The following MPP2 variants were observed in gnomAD, a reference collection of about 807,000 sequenced individuals.
MPP2 encodes MAGUK p55 scaffold protein 2, also known as MAGUK p55 subfamily member 2.
A neutral mutation model predicts 58.5 loss-of-function variants in MPP2; 42 were observed. The observed-to-expected ratio is 0.72, with a 90% confidence interval of 0.56 to 0.93. The LOEUF (loss-of-function observed/expected upper bound fraction) is 0.93. MPP2 is among the 40% of genes least tolerant of loss of function. The pLI is 0.00. For synonymous variants in MPP2, 300 were observed against 307.8 expected (o/e 0.97, Z 0.26); for missense variants, 632 against 760.4 (o/e 0.83, Z 1.99).
intron 2 of MPP2, among the ~76,000 whole-genome samples, chr17:43,899,854 G>A (rs1439294489): frequency 3.9e-5 from 6 of 152,096 alleles, no homozygotes; most frequent in Admixed American, 2.6e-4. Flanking sequence ...GGCAAGTTCC[G>A]GGGAAAGGAA....
At position 43,879,484 on chromosome 17, in the gene MPP2, G is replaced by T. The variant is rs1251172536; in HGVS notation, c.1354-81C>A. The T allele has an allele frequency of 2.5e-6, 4 of 1,571,064 alleles. No homozygotes were observed. The highest frequency in any genetic ancestry group is 1.7e-5 in the Admixed American group (1 of 58,746). The stretch of plus-strand genomic sequence containing the variant: ...AGAGAAAGGCTGTGAGGGTAACTGG[G>T]GTTGGGGTGAGCACTTGGGAGTGGA... On this transcript the variant is annotated intron_variant, in intron 11 of 12. Transcript: ENST00000269095. This position sits in a 1 kb window ranked among gnomAD's most constrained non-coding sequence, Gnocchi z 4.1.
upstream of MPP2, chr17:43,907,799 GGATC>G: frequency 1.0e-6 from 1 of 985,460 alleles, no homozygotes; most frequent in South Asian, 4.7e-5. Flanking sequence ...CGGCTCCCAA[GGATC>G]CCTTAAAGGG....
Position 43,877,799 on chromosome 17 carries a change from G to T in MPP2, c.*8C>A. ...ACACAGAGTGAGCCAAAGACCAGGT[G>T]AACAGGCTCAGTACACCCAGCTGAC... On this transcript the variant is annotated 3_prime_UTR_variant, in exon 13 of 13. Transcript: ENST00000269095. 6.2e-7 allele frequency: 1 copy of T among 1,610,872 alleles called. No homozygotes were observed. The highest frequency in any genetic ancestry group is 1.1e-5 in the South Asian group (1 of 90,956).
intron 5 of MPP2, 109 bp downstream of exon 5, chr17:43,882,794 G>C: frequency 8.7e-6 from 13 of 1,494,958 alleles, no homozygotes; most frequent in Non-Finnish European, 1.1e-5. Flanking sequence ...GCACAAAGCT[G>C]GCCCCATCTT....
chr17:43,883,142 A>AC (rs1383162457), intron 4 of MPP2, 61 bp downstream of exon 4: 2 of 1,557,468 alleles, frequency 1.3e-6, no homozygotes, highest in Non-Finnish European at 1.7e-6. Context: ...CCCATCCAAC[A>AC]GCAGCATGCC....
intron 12 of MPP2, among the ~76,000 whole-genome samples, chr17:43,878,733 A>G (rs572604866): frequency 1.3e-5 from 2 of 152,304 alleles, no homozygotes; most frequent in South Asian, 2.1e-4. Flanking sequence ...CCCTGCGCTC[A>G]GAGCGCCGCA....
chr17:43,882,534 G>T, intron 5 of MPP2, 23 bp from the exon 6 acceptor site: 1 of 1,596,806 alleles, frequency 6.3e-7, no homozygotes. Context: ...GGGAGTGTAA[G>T]ATGAGGCCCC....
chr17:43,891,268 G>C (rs1424928942), intron 3 of MPP2, among the ~76,000 whole-genome samples: 1 of 152,152 alleles, frequency 6.6e-6, no homozygotes, highest in Admixed American at 6.5e-5. Flanking sequence ...TGTAATTCCT[G>C]CACTTTGGGA....
rs1040745582 is a variant in MPP2 at position 43,880,492 on chromosome 17, G to A, written c.1150+199C>T. 6.6e-6 allele frequency among the ~76,000 whole-genome samples: 1 copy of A among 152,210 alleles called. No individual in the cohort carries two copies. The highest frequency in any genetic ancestry group is 2.4e-5 in the African/African-American group (1 of 41,450). On this transcript the variant is annotated intron_variant, in intron 10 of 12. Transcript: ENST00000269095. This position sits in a 1 kb window ranked among gnomAD's most constrained non-coding sequence, Gnocchi z 5.2. The stretch of plus-strand genomic sequence containing the variant: ...GCCAGCCCAGCCCGCTAGGCCACCT[G>A]TTGGCTGGACACCTCCCTCACCCTT...
chr17:43,896,270 T>C (rs1316527478), intron 3 of MPP2, among the ~76,000 whole-genome samples: 5 of 152,060 alleles, frequency 3.3e-5, no homozygotes, highest in African/African-American at 9.7e-5. Flanking sequence ...TACATGCCAA[T>C]AGGTGTGTGG....
chr17:43,902,388 GGGCAGTCCC>G (rs1207827926), intron 2 of MPP2, among the ~76,000 whole-genome samples: 1 of 152,132 alleles, frequency 6.6e-6, no homozygotes, highest in African/African-American at 2.4e-5. Flanking sequence ...TGGGTTTACT[GGGCAGTCCC>G]GGCTGGAGAG....
At position 43,880,972 on chromosome 17, in the gene MPP2, C is replaced by A; in HGVS notation, c.988+118G>T. On this transcript the variant is annotated intron_variant, in intron 9 of 12. Coordinates refer to ENST00000269095, the MANE Select transcript of MPP2 (RefSeq NM_005374.5). This position sits in a 1 kb window ranked among gnomAD's most constrained non-coding sequence, Gnocchi z 5.2. Reference sequence around the variant, plus strand: ...GGAGCAGGGGGGAGTCGGGCAGGGCCTAGGGACACGGCTGGCAGCATCTGA... The same window carrying A: ...GGAGCAGGGGGGAGTCGGGCAGGGCATAGGGACACGGCTGGCAGCATCTGA... 1 of 1,526,764 alleles carries A rather than the reference C, an allele frequency of 6.5e-7. No individual in the cohort carries two copies. The highest frequency in any genetic ancestry group is 1.2e-5 in the South Asian group (1 of 83,194). The allele number at this position is 1,526,764 out of a possible 1,614,324, so 94.6% of individuals were successfully genotyped here. A position where few individuals can be genotyped will look rare whatever the true frequency, so the allele number is the denominator to read the frequency against.
chr17:43,898,105 G>T (rs2047926288), intron 3 of MPP2, 157 bp downstream of exon 3: 2 of 650,430 alleles, frequency 3.1e-6, no homozygotes, highest in South Asian at 1.8e-5. Context: ...AGCCACTCAG[G>T]TCATCACCTG....
At chr17:43,886,079 G>A (rs938165304) in intron 3 of MPP2, among the ~76,000 whole-genome samples, 9 of 151,418 alleles carry the variant, frequency 5.9e-5, no homozygotes, top group Admixed American at 1.3e-4. Flanking sequence ...CTGCCCTCCA[G>A]CCTGGGCAAC....
At position 43,878,259 on chromosome 17, in the gene MPP2, T is replaced by TGGGAA. The variant is rs2046935909; in HGVS notation, c.1483-277_1483-276insTTCCC. On this transcript the variant is annotated intron_variant, in intron 12 of 12. Transcript: ENST00000269095. ...TAATCTTCACTACAGCTCTGCAAGA[T>TGGGAA]AGGATTAATTCTTTCCCATTTATAG... Among the ~76,000 whole-genome samples, 5 of 152,168 alleles carry TGGGAA rather than the reference T, an allele frequency of 3.3e-5. No individual in the cohort carries two copies. In the South Asian group the frequency reaches 1.0e-3, roughly 32 times the overall value.
In MPP2 at chr17:43,879,782, C is replaced by T. The variant is rs2047019250; in HGVS notation, c.1353G>A (p.Gln451=). 6.2e-7 allele frequency: 1 copy of T among 1,613,164 alleles called. No homozygotes were observed. Among genetic ancestry groups the T allele is most frequent in the South Asian group, 1.1e-5 (1 of 91,056 alleles). The change falls in exon 11 of 13, where the codon CAG becomes CAA. Residue 451 remains glutamine (Q), a splice_region_variant and synonymous_variant. Coordinates refer to ENST00000269095, the MANE Select transcript of MPP2 (RefSeq NM_005374.5). This position sits in a 1 kb window ranked among gnomAD's most constrained non-coding sequence, Gnocchi z 4.1. ...GKVCVLDVNP[Q]AVKVLRTAEF... is the part of the protein sequence containing the mutation. ...CTGGGAAGGAGCAGAGTGGCGGTAC[C>T]TGGGGGTTGACATCCAGCACGCACA... is the stretch of plus-strand genomic sequence containing the variant.
intron 3 of MPP2, among the ~76,000 whole-genome samples, chr17:43,897,410 G>C (rs1363381953): frequency 1.3e-5 from 2 of 152,192 alleles, no homozygotes; most frequent in African/African-American, 4.8e-5. Context: ...GAACTCAGGA[G>C]GTGGAGGTTG....
chr17:43,907,126 T>TA (rs2048323577), intron 1 of MPP2: 1 of 969,924 alleles, frequency 1.0e-6, no homozygotes, highest in Non-Finnish European at 1.2e-6. Context: ...GCACGGTTCT[T>TA]ACGTAATGCC....
upstream of MPP2, chr17:43,907,830 C>G (rs536547896): frequency 1.5e-5 from 15 of 985,434 alleles, no homozygotes; most frequent in South Asian, 9.4e-5. Context: ...GTAAAAGTGC[C>G]TAATGAGACC....
Sources: gnomAD v4.1 joint callset for allele counts (sites outside exome capture counted in the v4.1 genomes callset) on GRCh38, gnomAD v4.1.1 for gene constraint, Gnocchi (gnomAD v3.1) non-coding constraint, MANE v1.5 for transcripts, NCBI Gene and HGNC (gene_info 2026-07-23, HGNC 2026-07-21) for gene names.